The following SOX5 variants were observed in gnomAD, a reference collection of about 807,000 sequenced individuals.
SOX5 encodes the protein transcription factor SOX-5.
In SOX5, 9 loss-of-function variants were observed where a neutral mutation model predicts 92.0. That is an observed-to-expected ratio of 0.10 (90% CI 0.06 to 0.17). SOX5 has a LOEUF of 0.17. SOX5 is among the 10% of genes least tolerant of loss of function. The probability of loss-of-function intolerance (pLI) is 1.00; values close to 1 mark genes in which losing one functional copy is unlikely to be tolerated. For synonymous variants in SOX5, 344 were observed against 336.3 expected (o/e 1.02, Z -0.25); for missense variants, 642 against 944.5 (o/e 0.68, Z 4.20).
At chr12:24,058,539 G>C (rs1430192466) in intron 4 of SOX5, among the ~76,000 whole-genome samples, 1 of 152,098 alleles carries the variant, frequency 6.6e-6, no homozygotes, top group Non-Finnish European at 1.5e-5. Flanking sequence ...TTTCTTTGCT[G>C]GTAAGTTAGC....
chr12:23,950,753 T>G, upstream of SOX5: 1 of 919,422 alleles, frequency 1.1e-6, no homozygotes, highest in Non-Finnish European at 1.7e-6. Flanking sequence ...AGGCACAGCC[T>G]CCATAGCAGT....
chr12:23,915,389 G>A (rs1032091367), intron 1 of SOX5, among the ~76,000 whole-genome samples: 3 of 152,094 alleles, frequency 2.0e-5, no homozygotes, highest in Admixed American at 6.5e-5. Context: ...GGAGTCAAGA[G>A]TTATTTTAAT....
chr12:23,718,248 T>C (rs1017200628), intron 6 of SOX5, among the ~76,000 whole-genome samples: 3 of 152,210 alleles, frequency 2.0e-5, no homozygotes, highest in African/African-American at 7.2e-5. Context: ...AATAAAATGG[T>C]GTAATTATTC....
At chr12:24,315,686 C>G (rs1251594202) in intron 2 of SOX5, among the ~76,000 whole-genome samples, 1 of 152,016 alleles carries the variant, frequency 6.6e-6, no homozygotes, top group Non-Finnish European at 1.5e-5. Flanking sequence ...ATGAAAGTTT[C>G]TTTTTAAATA....
At chr12:24,161,986 G>A (rs1250688524) in intron 4 of SOX5, among the ~76,000 whole-genome samples, 1 of 152,026 alleles carries the variant, frequency 6.6e-6, no homozygotes, top group African/African-American at 2.4e-5. Flanking sequence ...AAATTTAATA[G>A]AAATCATTGG....
At chr12:23,858,030 G>A (rs748188928) in intron 2 of SOX5, among the ~76,000 whole-genome samples, 10 of 151,874 alleles carry the variant, frequency 6.6e-5, no homozygotes, top group Middle Eastern at 3.2e-3. Flanking sequence ...CACCATTCCC[G>A]GCCAAGAGTT....
chr12:23,818,065 T>C (rs1266316653), intron 3 of SOX5, among the ~76,000 whole-genome samples: 1 of 152,186 alleles, frequency 6.6e-6, no homozygotes, highest in Non-Finnish European at 1.5e-5. Context: ...AATCATAAGG[T>C]AATGAACAAA....
intron 6 of SOX5, among the ~76,000 whole-genome samples, chr12:23,692,410 C>G (rs2089007402): frequency 6.9e-6 from 1 of 143,960 alleles, no homozygotes; most frequent in African/African-American, 2.6e-5. Flanking sequence ...GCACTTCAGC[C>G]TGGGCGACAG....
At chr12:23,646,788 T>C (rs1031626288) in intron 7 of SOX5, among the ~76,000 whole-genome samples, 1 of 152,166 alleles carries the variant, frequency 6.6e-6, no homozygotes. Context: ...TGGCAGCAAT[T>C]TAGTCACATC....
At chr12:23,595,397 C>CG (rs1401895852) in intron 9 of SOX5, among the ~76,000 whole-genome samples, 1 of 151,826 alleles carries the variant, frequency 6.6e-6, no homozygotes, top group Non-Finnish European at 1.5e-5. Context: ...CCGAGGCCGG[C>CG]GGATCATGAG....
At chr12:24,184,343 A>G (rs1955814048) in intron 4 of SOX5, among the ~76,000 whole-genome samples, 1 of 152,200 alleles carries the variant, frequency 6.6e-6, no homozygotes, top group Non-Finnish European at 1.5e-5. Context: ...ACTAGATGAT[A>G]GAATCACTAT....
At chr12:24,149,902 CA>C (rs1951486895) in intron 4 of SOX5, among the ~76,000 whole-genome samples, 1 of 151,796 alleles carries the variant, frequency 6.6e-6, no homozygotes, top group Admixed American at 6.6e-5. Context: ...TGAGTAAAAC[CA>C]GATGCCTCCG....
intron 4 of SOX5, among the ~76,000 whole-genome samples, chr12:24,019,633 G>A (rs934232337): frequency 2.0e-5 from 3 of 152,156 alleles, no homozygotes; most frequent in African/African-American, 7.2e-5. Flanking sequence ...TTTCTCCTAG[G>A]TTAGTCAGAC....
At chr12:23,907,662 A>G (rs988281266) in intron 1 of SOX5, among the ~76,000 whole-genome samples, 6 of 152,080 alleles carry the variant, frequency 3.9e-5, no homozygotes, top group African/African-American at 1.4e-4. Context: ...ATCTGTAAAA[A>G]CAGCTCGCCA....
At chr12:23,758,388 G>GTTTT (rs61280264) in intron 3 of SOX5, among the ~76,000 whole-genome samples, 3 of 144,108 alleles carry the variant, frequency 2.1e-5, no homozygotes, top group Non-Finnish European at 3.0e-5. Context: ...CTTGAACTAA[G>GTTTT]TTTTTTTTTT....
chr12:23,659,142 T>C (rs944590910), intron 7 of SOX5, among the ~76,000 whole-genome samples: 1 of 152,086 alleles, frequency 6.6e-6, no homozygotes. Context: ...AATCAGAAAT[T>C]AGTATGCAGT....
At chr12:24,298,442 A>G (rs1947543600) in intron 2 of SOX5, among the ~76,000 whole-genome samples, 1 of 152,202 alleles carries the variant, frequency 6.6e-6, no homozygotes, top group African/African-American at 2.4e-5. Flanking sequence ...TTCTCTTCCA[A>G]TTCCAAGTGT....
chr12:23,790,600 T>C (rs760400792), intron 3 of SOX5, among the ~76,000 whole-genome samples: 42 of 150,044 alleles, frequency 2.8e-4, no homozygotes, highest in Non-Finnish European at 5.3e-4. Context: ...TGAACACTCC[T>C]TTCTTTTCAA....
chr12:24,516,198 A>G (rs1949774682), intron 1 of SOX5, among the ~76,000 whole-genome samples: 1 of 151,788 alleles, frequency 6.6e-6, no homozygotes, highest in Non-Finnish European at 1.5e-5. Context: ...ATGCGCCACC[A>G]TGCCTGGCTA....
Sources: allele counts gnomAD v4.1 joint callset (sites outside exome capture counted in the v4.1 genomes callset), GRCh38; gene constraint gnomAD v4.1.1; transcripts MANE v1.5; gene names NCBI Gene and HGNC (gene_info 2026-07-23, HGNC 2026-07-21).